Variants in FTCDNL1 observed in about 807,000 individuals in gnomAD.
The protein encoded by FTCDNL1 is formiminotransferase N-terminal subdomain-containing protein.
FTCDNL1 carries 11 observed loss-of-function variants against 5.9 expected under a neutral mutation model. The observed-to-expected ratio is 1.87, with a 90% CI of 1.18 to 3.10. The LOEUF (loss-of-function observed/expected upper bound fraction) is 3.10, where lower values mean the gene tolerates loss of function less well. FTCDNL1 is among the 30% of genes most tolerant of loss of function. FTCDNL1 has a pLI of 0.00. For synonymous variants in FTCDNL1, 58 were observed against 24.8 expected (o/e 2.34, Z -3.99); for missense variants, 115 against 65.5 (o/e 1.76, Z -2.61).
At chr2:199,775,278 T>C (rs1699003100) in intron 3 of FTCDNL1, among the ~76,000 whole-genome samples, 2 of 152,178 alleles carry the variant, frequency 1.3e-5, no homozygotes, top group Non-Finnish European at 2.9e-5. Flanking sequence ...AAGCCAGTAA[T>C]ATTAAGCAGA....
chr2:199,773,576 G>C (rs1221151214), intron 3 of FTCDNL1, among the ~76,000 whole-genome samples: 4 of 152,172 alleles, frequency 2.6e-5, no homozygotes, highest in Non-Finnish European at 4.4e-5. Flanking sequence ...CCCTCAGTCA[G>C]TGGCATCCAG....
downstream of FTCDNL1, among the ~76,000 whole-genome samples, chr2:199,758,059 C>T (rs936659855): frequency 2.0e-5 from 3 of 152,034 alleles, no homozygotes; most frequent in Admixed American, 6.6e-5. Flanking sequence ...GATCACTAGC[C>T]AACATTCAGC....
chr2:199,715,306 A>T, the FTCDNL1 span, among the ~76,000 whole-genome samples: 1 of 152,096 alleles, frequency 6.6e-6, no homozygotes, highest in African/African-American at 2.4e-5. Context: ...TCTCATCTTG[A>T]ACTGTGGCTC....
the FTCDNL1 span, among the ~76,000 whole-genome samples, chr2:199,667,535 A>T: frequency 1.6e-4 from 25 of 152,238 alleles, no homozygotes; most frequent in African/African-American, 6.0e-4. Context: ...GGTGGCATGC[A>T]CGTAGTGGGA....
intron 3 of FTCDNL1, among the ~76,000 whole-genome samples, chr2:199,769,587 A>C (rs1698710773): frequency 6.6e-6 from 1 of 152,228 alleles, no homozygotes; most frequent in African/African-American, 2.4e-5. Flanking sequence ...TAATACAAGG[A>C]GAGGGAAGAA....
intron 4 of FTCDNL1, among the ~76,000 whole-genome samples, chr2:199,815,496 T>C (rs1701297477): frequency 6.6e-6 from 1 of 152,158 alleles, no homozygotes. Flanking sequence ...GTTGAGGTTT[T>C]TCTGTTTTGG....
At chr2:199,707,255 C>T in the FTCDNL1 span, among the ~76,000 whole-genome samples, 1 of 152,178 alleles carries the variant, frequency 6.6e-6, no homozygotes, top group African/African-American at 2.4e-5. Flanking sequence ...ATTAGTAGTT[C>T]TTCCTTGAAT....
chr2:199,827,836 C>A (rs1702126860), intron 3 of FTCDNL1, among the ~76,000 whole-genome samples: 1 of 152,048 alleles, frequency 6.6e-6, no homozygotes, highest in Non-Finnish European at 1.5e-5. Flanking sequence ...GAATACCCTC[C>A]TAGGCTGGCA....
At chr2:199,722,188 T>C in the FTCDNL1 span, among the ~76,000 whole-genome samples, 3 of 152,246 alleles carry the variant, frequency 2.0e-5, no homozygotes, top group Admixed American at 2.0e-4. Context: ...GTTTTCATCA[T>C]GAAATCTTTG....
intron 2 of FTCDNL1, among the ~76,000 whole-genome samples, chr2:199,846,420 C>T (rs1182310131): frequency 1.3e-5 from 2 of 152,224 alleles, no homozygotes; most frequent in East Asian, 3.8e-4. Flanking sequence ...CTCTTTTGGA[C>T]TTGCTACTGA....
chr2:199,736,411 T>A, the FTCDNL1 span, among the ~76,000 whole-genome samples: 2 of 152,332 alleles, frequency 1.3e-5, no homozygotes, highest in Non-Finnish European at 2.9e-5. Flanking sequence ...TCCAGAGTTA[T>A]GGGGGATGCC....
rs1195071962 is a variant in FTCDNL1 at position 199,765,550 on chromosome 2, A to ATT, written c.212-4716_212-4715insAA. Among the ~76,000 whole-genome samples the ATT allele has an allele frequency of 2.4e-3, 128 of 52,874 alleles. 4 individuals are homozygous for ATT. The highest frequency in any genetic ancestry group is 5.4e-3 in the African/African-American group (118 of 21,704). 34.7% of individuals were successfully genotyped at this position (52,874 alleles called of 152,430 possible). On this transcript the variant is annotated intron_variant, in intron 3 of 3. Transcript: ENST00000416668. ...GTCTTCATTATATATATATATATAT[A>ATT]TATATATTTTTTTTTTTTTTTTTGG...
the FTCDNL1 span, among the ~76,000 whole-genome samples, chr2:199,692,906 T>C: frequency 6.6e-6 from 1 of 152,250 alleles, no homozygotes; most frequent in African/African-American, 2.4e-5. Flanking sequence ...TGCTCTGCAG[T>C]GCTTGTATAC....
At chr2:199,818,715 G>GGCCACATTTCT (rs1701500684) in intron 4 of FTCDNL1, 2 of 152,080 alleles carry the variant, frequency 1.3e-5, no homozygotes, top group African/African-American at 2.4e-5. Context: ...GCAGGGCTTT[G>GGCCACATTTCT]GCAGAGCTGT....
At chr2:199,706,638 A>G in the FTCDNL1 span, among the ~76,000 whole-genome samples, 1 of 152,194 alleles carries the variant, frequency 6.6e-6, no homozygotes, top group Non-Finnish European at 1.5e-5. Flanking sequence ...GCCCCTGACC[A>G]GATGGCAAGG....
chr2:199,806,524 C>A (rs1267821363), downstream of FTCDNL1, among the ~76,000 whole-genome samples: 1 of 152,182 alleles, frequency 6.6e-6, no homozygotes, highest in Non-Finnish European at 1.5e-5. Flanking sequence ...ATGATAAATT[C>A]CTTGCAGATC....
At chr2:199,749,833 G>A in the FTCDNL1 span, among the ~76,000 whole-genome samples, 3 of 151,988 alleles carry the variant, frequency 2.0e-5, no homozygotes, top group South Asian at 4.2e-4. Context: ...AGCATTGTGT[G>A]GTTTCCACCA....
chr2:199,666,235 A>C, the FTCDNL1 span, among the ~76,000 whole-genome samples: 2 of 152,248 alleles, frequency 1.3e-5, no homozygotes, highest in Non-Finnish European at 2.9e-5. Flanking sequence ...TTTAAACTAA[A>C]ATAGGAAAAC....
intron 3 of FTCDNL1, among the ~76,000 whole-genome samples, chr2:199,762,074 G>A (rs927259577): frequency 6.6e-6 from 1 of 152,114 alleles, no homozygotes; most frequent in African/African-American, 2.4e-5. Context: ...ATCTTGTAAT[G>A]TTTTAAGAAA....
Sources: allele counts gnomAD v4.1 joint callset (sites outside exome capture counted in the v4.1 genomes callset), GRCh38; gene constraint gnomAD v4.1.1; transcripts MANE v1.5; gene names NCBI Gene and HGNC (gene_info 2026-07-23, HGNC 2026-07-21).